The following SHANK2 variants were observed in gnomAD, a reference collection of about 807,000 sequenced individuals.
SHANK2 encodes the protein SH3 and multiple ankyrin repeat domains 2.
Under a neutral mutation model 133.7 loss-of-function variants are expected in SHANK2, and 43 were observed. The observed-to-expected ratio is 0.32, with a 90% confidence interval of 0.25 to 0.41. The LOEUF is 0.41. Among genes scored for constraint, SHANK2 ranks in the 10% least tolerant of loss-of-function variants. The pLI, the probability that SHANK2 is intolerant of heterozygous loss-of-function variation, is 1.00. For synonymous variants in SHANK2, 1,017 were observed against 952.8 expected (o/e 1.07, Z -1.24); for missense variants, 1,994 against 2,235.8 (o/e 0.89, Z 2.18).
At chr11:70,714,303 G>T (rs956674211) in intron 14 of SHANK2, among the ~76,000 whole-genome samples, 9 of 152,180 alleles carry the variant, frequency 5.9e-5, no homozygotes, top group Non-Finnish European at 1.2e-4. Context: ...TGCCCACCTG[G>T]CCCCTGCAGC....
At chr11:70,771,351 C>T (rs1050860164) in intron 14 of SHANK2, among the ~76,000 whole-genome samples, 3 of 152,312 alleles carry the variant, frequency 2.0e-5, no homozygotes, top group Middle Eastern at 3.4e-3. Context: ...GTGACCAGCA[C>T]ACAGAAGTGG....
intron 8 of SHANK2, among the ~76,000 whole-genome samples, chr11:71,085,598 ATATAT>A (rs1951373603): frequency 1.2e-5 from 1 of 83,824 alleles, no homozygotes; most frequent in South Asian, 3.0e-4. Flanking sequence ...TATATAATAT[ATATAT>A]TAAATATATA....
intron 17 of SHANK2, among the ~76,000 whole-genome samples, chr11:70,529,437 C>A (rs1335916006): frequency 6.6e-6 from 1 of 152,238 alleles, no homozygotes; most frequent in Non-Finnish European, 1.5e-5. Flanking sequence ...CCAAAACCCC[C>A]CACAAGGTGC....
intron 9 of SHANK2, among the ~76,000 whole-genome samples, 152 bp from the exon 10 acceptor site, chr11:71,056,710 T>C (rs1191122474): frequency 6.6e-6 from 1 of 152,238 alleles, no homozygotes; most frequent in Non-Finnish European, 1.5e-5. Flanking sequence ...GGCTCCTGTA[T>C]GCTGTCAGGT....
chr11:70,887,919 GTT>G (rs1240151623), intron 11 of SHANK2, among the ~76,000 whole-genome samples: 3 of 152,104 alleles, frequency 2.0e-5, no homozygotes, highest in African/African-American at 7.2e-5. Context: ...AGCACCAAGG[GTT>G]TGCCCTGACG....
Position 70,487,295 on chromosome 11 carries a change from C to G in SHANK2, c.2998G>C (p.Val1000Leu). 1 of 1,614,202 alleles carries G rather than the reference C, an allele frequency of 6.2e-7. No homozygotes were observed. Among genetic ancestry groups the G allele is most frequent in the African/African-American group, 1.3e-5 (1 of 75,058 alleles). Residue 1000 changes from valine to leucine, a missense_variant, in exon 25 of 26, where the codon GTC becomes CTC. By Grantham distance (32) the Val-to-Leu change is conservative. Coordinates refer to ENST00000601538, the MANE Select transcript of SHANK2 (RefSeq NM_012309.5). This position sits in a 1 kb window ranked among gnomAD's most constrained non-coding sequence, Gnocchi z 5.8. ...SEVGKIASKA[V>L]YVPAKPARRK... Reference sequence around the variant, plus strand: ...CTGGCGGGCTTGGCGGGGACGTAGACGGCTTTGCTGGCGATCTTCCCCACC... The same window carrying G: ...CTGGCGGGCTTGGCGGGGACGTAGAGGGCTTTGCTGGCGATCTTCCCCACC...
intron 14 of SHANK2, among the ~76,000 whole-genome samples, chr11:70,703,010 G>A (rs1945571365): frequency 6.6e-6 from 1 of 152,220 alleles, no homozygotes; most frequent in South Asian, 2.1e-4. Flanking sequence ...ATGCTGTCGT[G>A]GTCATACATT....
At position 70,492,426 on chromosome 11, in the gene SHANK2, C is replaced by T. The variant is rs781940261; in HGVS notation, c.2348G>A (p.Arg783His). The T allele has an allele frequency of 5.6e-6, 9 of 1,613,910 alleles. No individual in the cohort carries two copies. Among genetic ancestry groups the T allele is most frequent in the South Asian group, 3.3e-5 (3 of 91,084 alleles). The stretch of plus-strand genomic sequence containing the variant: ...TTCCACAGCCATGTTCTCAGCAGCG[C>T]GGGAGGGCTTGGAGGCCGGGACTAT... ...EEIVPASKPSRAAENMAVEPR... is the reference protein window; with the variant it reads ...EEIVPASKPSHAAENMAVEPR... Residue 783 changes from arginine (R) to histidine (H), a missense_variant, in exon 22 of 26, where the codon CGC (arginine) becomes CAC (histidine). Coordinates refer to ENST00000601538, the MANE Select transcript of SHANK2 (RefSeq NM_012309.5).
At chr11:70,702,671 G>A (rs1945563296) in intron 14 of SHANK2, among the ~76,000 whole-genome samples, 1 of 152,190 alleles carries the variant, frequency 6.6e-6, no homozygotes, top group African/African-American at 2.4e-5. Context: ...TGTCAAGTGT[G>A]GAATGCTCTG....
chr11:71,125,889 A>G (rs1312199933), intron 3 of SHANK2, among the ~76,000 whole-genome samples: 1 of 152,192 alleles, frequency 6.6e-6, no homozygotes, highest in African/African-American at 2.4e-5. Context: ...CTATGCTAAT[A>G]TATCATTCAA....
At chr11:70,844,529 G>A (rs1021274988) in intron 11 of SHANK2, among the ~76,000 whole-genome samples, 4 of 152,200 alleles carry the variant, frequency 2.6e-5, no homozygotes, top group Non-Finnish European at 4.4e-5. Flanking sequence ...CAGGCTCCAC[G>A]CCGGGCACTG....
intron 17 of SHANK2, among the ~76,000 whole-genome samples, chr11:70,568,648 C>CCCCACT (rs1554982450): frequency 1.8e-5 from 2 of 113,990 alleles, no homozygotes; most frequent in Admixed American, 1.7e-4. Context: ...GGATTCCTGC[C>CCCCACT]CCCCCCGCCC....
At chr11:71,103,504 C>A (rs1179307495) in intron 6 of SHANK2, among the ~76,000 whole-genome samples, 2 of 152,202 alleles carry the variant, frequency 1.3e-5, no homozygotes, top group African/African-American at 4.8e-5. Context: ...CTGTGTTTCT[C>A]CCTCTGCATC....
At chr11:70,674,322 C>A (rs1216995349) in intron 15 of SHANK2, among the ~76,000 whole-genome samples, 4 of 152,120 alleles carry the variant, frequency 2.6e-5, no homozygotes, top group African/African-American at 9.7e-5. Context: ...AAGATAGAGG[C>A]TGACACATTG....
chr11:70,773,213 G>A (rs1422940335), intron 14 of SHANK2, among the ~76,000 whole-genome samples: 1 of 152,240 alleles, frequency 6.6e-6, no homozygotes, highest in African/African-American at 2.4e-5. Context: ...ACAAGGTGAT[G>A]TCTTGCTGTG....
At chr11:70,822,748 C>A (rs1198749625) in intron 11 of SHANK2, among the ~76,000 whole-genome samples, 1 of 103,838 alleles carries the variant, frequency 9.6e-6, no homozygotes, top group Non-Finnish European at 1.9e-5. Flanking sequence ...TCATGGGGGA[C>A]AGAGGTGGCG....
intron 10 of SHANK2, among the ~76,000 whole-genome samples, chr11:70,907,075 T>C (rs1950115298): frequency 6.6e-6 from 1 of 152,122 alleles, no homozygotes; most frequent in Non-Finnish European, 1.5e-5. Context: ...TGTCCACAAC[T>C]CCTGAAGTGC....
chr11:70,573,557 G>GGGGGGGGT (rs1554983581), intron 17 of SHANK2, among the ~76,000 whole-genome samples: 1 of 132,016 alleles, frequency 7.6e-6, no homozygotes, highest in Non-Finnish European at 1.6e-5. Flanking sequence ...GGCGGGGGGG[G>GGGGGGGGT]GGTGGGGCAT....
chr11:71,152,058 T>C (rs1370910456), intron 2 of SHANK2, among the ~76,000 whole-genome samples: 8 of 150,228 alleles, frequency 5.3e-5, no homozygotes, highest in African/African-American at 2.0e-4. Context: ...AGATATCTTT[T>C]AGATATGTCA....
Sources: allele counts gnomAD v4.1 joint callset (sites outside exome capture counted in the v4.1 genomes callset), GRCh38; gene constraint gnomAD v4.1.1; non-coding constraint Gnocchi (gnomAD v3.1); transcripts MANE v1.5; gene names NCBI Gene and HGNC (gene_info 2026-07-23, HGNC 2026-07-21).